The following BTN3A1 variants were observed in gnomAD, a reference collection of about 807,000 sequenced individuals.
The protein encoded by BTN3A1 is butyrophilin subfamily 3 member A1.
A neutral mutation model predicts 43.0 loss-of-function variants in BTN3A1; 24 were observed. The observed-to-expected ratio is 0.56, with a 90% CI of 0.40 to 0.78. The LOEUF (loss-of-function observed/expected upper bound fraction) is 0.78. BTN3A1 is among the 30% of genes least tolerant of loss of function. BTN3A1 has a pLI of 0.00. For synonymous variants in BTN3A1, 181 were observed against 234.7 expected (o/e 0.77, Z 2.09); for missense variants, 533 against 626.2 (o/e 0.85, Z 1.59).
chr6:26,413,775 A>G lies in BTN3A1; in HGVS notation c.*83A>G, dbSNP rs1018774305. 1.9e-6 allele frequency: 3 copies of G among 1,602,188 alleles called. No individual in the cohort carries two copies. The African/African-American group carries it at 4.0e-5, about 21-fold the overall frequency. On this transcript the variant is annotated 3_prime_UTR_variant, in exon 10 of 10. Transcript: ENST00000289361. ...CAGTAACCCCGGGCTTAGCTAACGAAAGTGGGGAGCCTCAGGCTGAAGTAA... is the reference window on the plus strand; with the variant it reads ...CAGTAACCCCGGGCTTAGCTAACGAGAGTGGGGAGCCTCAGGCTGAAGTAA...
intron 4 of BTN3A1, among the ~76,000 whole-genome samples, chr6:26,408,553 C>T (rs1249263747): frequency 6.6e-6 from 1 of 152,222 alleles, no homozygotes; most frequent in Admixed American, 6.5e-5. Context: ...TGCATTAGCA[C>T]AACCTCTGTT....
Position 26,407,784 on chromosome 6 carries a change from A to T in BTN3A1, c.547A>T (p.Lys183Ter). 1.2e-6 allele frequency: 2 copies of T among 1,614,214 alleles called. No homozygotes were observed. Among genetic ancestry groups the T allele is most frequent in the Non-Finnish European group, 1.7e-6 (2 of 1,180,040 alleles). Residue 183 changes from lysine (K) to a stop codon, truncating the protein, a stop_gained, in exon 4 of 10, where the codon AAG (lysine) becomes TAG (stop). Coordinates refer to ENST00000289361, the MANE Select transcript of BTN3A1 (RefSeq NM_007048.6). LOFTEE classifies it high-confidence loss of function. ...ACCCCAAATACAGTGGAGCAACAACAAGGGAGAGAACATCCCGACTGTGGA... is the reference window on the plus strand; with the variant it reads ...ACCCCAAATACAGTGGAGCAACAACTAGGGAGAGAACATCCCGACTGTGGA... ...PQPQIQWSNN[K>*]GENIPTVEAP...
At chr6:26,411,812 T>C (rs1170914111) in intron 9 of BTN3A1, 2 of 519,054 alleles carry the variant, frequency 3.9e-6, no homozygotes, top group Admixed American at 3.5e-5. Flanking sequence ...TCCTCAGACC[T>C]TCCTGGGAAG....
At chr6:26,411,488 G>A (rs1165932432) in intron 8 of BTN3A1, 67 bp from the exon 9 acceptor site, 19 of 1,537,018 alleles carry the variant, frequency 1.2e-5, no homozygotes, top group Admixed American at 1.8e-5. Context: ...TGTAGTGAGG[G>A]GAGAGTGCAG....
At chr6:26,408,430 G>T (rs544976182) in intron 4 of BTN3A1, among the ~76,000 whole-genome samples, 1 of 152,084 alleles carries the variant, frequency 6.6e-6, no homozygotes, top group Non-Finnish European at 1.5e-5. Context: ...TTCACTTATG[G>T]TATTGGCAAA....
intron 9 of BTN3A1, 42 bp downstream of exon 9, chr6:26,411,623 G>A (rs1473460047): frequency 1.9e-6 from 3 of 1,596,520 alleles, no homozygotes; most frequent in African/African-American, 2.7e-5. Context: ...ACAACCTGAG[G>A]GACTATATTC....
At chr6:26,408,559 C>A (rs923720321) in intron 4 of BTN3A1, among the ~76,000 whole-genome samples, 2 of 152,292 alleles carry the variant, frequency 1.3e-5, no homozygotes, top group African/African-American at 2.4e-5. Flanking sequence ...AGCACAACCT[C>A]TGTTGGGGGC....
At chr6:26,411,408 T>C in intron 8 of BTN3A1, 147 bp from the exon 9 acceptor site, 1 of 1,058,478 alleles carries the variant, frequency 9.4e-7, no homozygotes, top group Non-Finnish European at 1.4e-6. Flanking sequence ...GTACCACCCC[T>C]GATCCATCAG....
chr6:26,404,096 T>C (rs973444596), intron 1 of BTN3A1: 12 of 152,212 alleles, frequency 7.9e-5, no homozygotes, highest in Non-Finnish European at 1.3e-4. Context: ...ATCTCTGTTC[T>C]CTTGTTTCCT....
intron 9 of BTN3A1, chr6:26,412,139 G>T (rs986452884): frequency 2.7e-6 from 1 of 365,560 alleles, no homozygotes; most frequent in Non-Finnish European, 5.0e-6. Flanking sequence ...GTGGTTGAAG[G>T]TTTGCAGAAA....
At chr6:26,408,143 C>G (rs1043883324) in intron 4 of BTN3A1, among the ~76,000 whole-genome samples, 191 bp downstream of exon 4, 7 of 152,122 alleles carry the variant, frequency 4.6e-5, no homozygotes, top group Non-Finnish European at 4.4e-5. Flanking sequence ...CAAACATTTA[C>G]TGAACATTTC....
chr6:26,411,020 AAAAG>A, intron 7 of BTN3A1, 85 bp from the exon 8 acceptor site: 5 of 1,151,526 alleles, frequency 4.3e-6, no homozygotes, highest in Non-Finnish European at 6.0e-6. Context: ...AAAAAAAAAA[AAAAG>A]ATTAGATGGA....
At position 26,413,548 on chromosome 6, in the gene BTN3A1, T is replaced by C. The variant is rs1375635869; in HGVS notation, c.1398T>C (p.Tyr466=). 1.7e-5 allele frequency: 27 copies of C among 1,614,086 alleles called. No homozygotes were observed. The highest frequency in any genetic ancestry group is 2.1e-5 in the Non-Finnish European group (25 of 1,180,044). The part of the protein sequence containing the change: ...PPKKVGVFLD[Y]ETGDISFYNA... ...AGAAAGTGGGGGTCTTCCTGGACTA[T>C]GAGACTGGAGATATCTCATTCTACA... Residue 466 remains tyrosine (Y), a synonymous_variant, in exon 10 of 10, where the codon TAT becomes TAC. Coordinates refer to ENST00000289361, the MANE Select transcript of BTN3A1 (RefSeq NM_007048.6).
At chr6:26,412,275 G>A (rs1762246292) in intron 9 of BTN3A1, 1 of 587,488 alleles carries the variant, frequency 1.7e-6, no homozygotes, top group Non-Finnish European at 3.1e-6. Context: ...CCCAGAATAA[G>A]AAGTAGCTCA....
At chr6:26,411,708 G>A (rs867850017) in intron 9 of BTN3A1, 127 bp downstream of exon 9, 10 of 1,234,576 alleles carry the variant, frequency 8.1e-6, no homozygotes, top group Admixed American at 7.3e-5. Context: ...ATTTGGGGTA[G>A]GCAACATTAA....
chr6:26,408,922 T>C (rs1390596718), intron 4 of BTN3A1, among the ~76,000 whole-genome samples: 2 of 152,228 alleles, frequency 1.3e-5, no homozygotes, highest in South Asian at 4.1e-4. Context: ...TATTTTTATT[T>C]ACATTTTTTT....
Position 26,414,507 on chromosome 6 carries a change from G to A in BTN3A1, c.*815G>A, listed in dbSNP as rs977588647. The A allele has an allele frequency of 1.3e-5, 2 of 152,264 alleles. No individual in the cohort carries two copies. Among genetic ancestry groups the A allele is most frequent in the South Asian group, 4.1e-4 (2 of 4,824 alleles). 9.4% of individuals were successfully genotyped at this position (152,264 alleles called of 1,614,324 possible). On this transcript the variant is annotated 3_prime_UTR_variant, in exon 10 of 10. Coordinates refer to ENST00000289361, the MANE Select transcript of BTN3A1 (RefSeq NM_007048.6). ...ACCCACATGACACGTGATTTGGAAAGAGACTAGAGGCCACACTTGATAAAT... is the reference window on the plus strand; with the variant it reads ...ACCCACATGACACGTGATTTGGAAAAAGACTAGAGGCCACACTTGATAAAT...
At chr6:26,402,738 G>A (rs946920790) in intron 1 of BTN3A1, among the ~76,000 whole-genome samples, 4 of 115,912 alleles carry the variant, frequency 3.5e-5, no homozygotes, top group Non-Finnish European at 6.0e-5. Flanking sequence ...TCTAAAAAGA[G>A]GTGTCCTTTA....
chr6:26,405,878 C>G, intron 2 of BTN3A1, 31 bp from the exon 3 acceptor site: 1 of 1,613,472 alleles, frequency 6.2e-7, no homozygotes, highest in South Asian at 1.1e-5. Flanking sequence ...CTCCAAAACC[C>G]TCTGACAGAT....
Sources: allele counts gnomAD v4.1 joint callset (sites outside exome capture counted in the v4.1 genomes callset), GRCh38; gene constraint gnomAD v4.1.1; transcripts MANE v1.5; gene names NCBI Gene and HGNC (gene_info 2026-07-23, HGNC 2026-07-21).